Variants in SMARCC1 observed in about 807,000 individuals in gnomAD.
SMARCC1 encodes the protein SWI/SNF related BAF chromatin remodeling complex subunit C1, also known as SWI/SNF complex subunit SMARCC1.
In SMARCC1, 43 loss-of-function variants were observed where a neutral mutation model predicts 147.4. The observed-to-expected ratio is 0.29, with a 90% CI of 0.23 to 0.38. The LOEUF (loss-of-function observed/expected upper bound fraction) is 0.38. SMARCC1 is among the 10% of genes least tolerant of loss of function. SMARCC1 has a pLI of 1.00. For synonymous variants in SMARCC1, 495 were observed against 484.4 expected (o/e 1.02, Z -0.29); for missense variants, 1,119 against 1,381.1 (o/e 0.81, Z 3.01).
At chr3:47,742,416 G>A (rs1335855727) in intron 3 of SMARCC1, among the ~76,000 whole-genome samples, 12 of 152,058 alleles carry the variant, frequency 7.9e-5, no homozygotes, top group Admixed American at 3.3e-4. Context: ...TGGGAGATCC[G>A]TTTGGATTTC....
intron 25 of SMARCC1, among the ~76,000 whole-genome samples, chr3:47,615,163 T>G (rs749028688): frequency 2.0e-5 from 3 of 152,242 alleles, no homozygotes; most frequent in Non-Finnish European, 4.4e-5. Context: ...AAAGCTTGTA[T>G]GTATACCTAT....
chr3:47,692,571 C>T (rs2033802799), intron 12 of SMARCC1, among the ~76,000 whole-genome samples: 1 of 152,100 alleles, frequency 6.6e-6, no homozygotes. Flanking sequence ...CTAGTTTGTA[C>T]AAAAATATTA....
At chr3:47,607,191 A>G (rs1021336603) in intron 26 of SMARCC1, among the ~76,000 whole-genome samples, 3 of 152,194 alleles carry the variant, frequency 2.0e-5, no homozygotes, top group African/African-American at 7.2e-5. Flanking sequence ...CCTTGTTGTG[A>G]GCAGGGTAAA....
rs775759680 is a variant in SMARCC1 at position 47,671,173 on chromosome 3, CAAAAA to C, written c.1840-461_1840-457del. 2.4e-3 allele frequency among the ~76,000 whole-genome samples: 70 copies of C among 29,240 alleles called. 2 individuals carry two copies. The highest frequency in any genetic ancestry group is 0.031 in the Middle Eastern group (1 of 32). 19.2% of individuals were successfully genotyped at this position (29,240 alleles called of 152,430 possible). On this transcript the variant is annotated intron_variant, in intron 18 of 27. Coordinates refer to ENST00000254480, the MANE Select transcript of SMARCC1 (RefSeq NM_003074.4). ...CCTGGGCAACAGAGCGAGACTATCT[CAAAAA>C]AAAAAAAAAAAAAAAAAAAACACAC...
intron 21 of SMARCC1, among the ~76,000 whole-genome samples, chr3:47,656,865 A>T (rs774919371): frequency 3.9e-5 from 6 of 152,146 alleles, no homozygotes; most frequent in Non-Finnish European, 8.8e-5. Context: ...GGTTGCAGTA[A>T]GCCAAGAGCA....
chr3:47,735,523 A>G (rs1160770891), intron 5 of SMARCC1, among the ~76,000 whole-genome samples: 1 of 152,070 alleles, frequency 6.6e-6, no homozygotes, highest in Non-Finnish European at 1.5e-5. Context: ...TAATCCCAGC[A>G]CTTTGGGAGG....
At chr3:47,681,207 A>C (rs2033640399) in intron 14 of SMARCC1, among the ~76,000 whole-genome samples, 1 of 152,216 alleles carries the variant, frequency 6.6e-6, no homozygotes. Context: ...GAAACAAATG[A>C]CCAGAGTAGA....
chr3:47,628,057 A>G (rs12497825), intron 24 of SMARCC1, among the ~76,000 whole-genome samples: 1 of 148,922 alleles, frequency 6.7e-6, no homozygotes, highest in African/African-American at 2.5e-5. Context: ...ATATATATAT[A>G]TATTTTTTCT....
At chr3:47,598,117 G>A (rs1214135022) in intron 26 of SMARCC1, among the ~76,000 whole-genome samples, 1 of 151,702 alleles carries the variant, frequency 6.6e-6, no homozygotes, top group African/African-American at 2.4e-5. Flanking sequence ...CCCTTTTTTT[G>A]TTCTCTTCCT....
chr3:47,716,415 CAAAAA>C lies in SMARCC1; in HGVS notation c.717-1930_717-1926del, dbSNP rs776727634. Among the ~76,000 whole-genome samples the C allele has an allele frequency of 1.5e-4, 8 of 51,942 alleles. No individual in the cohort carries two copies. The South Asian group carries it at 4.4e-3, about 28-fold the overall frequency. 34.1% of individuals were successfully genotyped at this position (51,942 alleles called of 152,430 possible). A position where few individuals can be genotyped will look rare whatever the true frequency, so the allele number is the denominator to read the frequency against. ...CCTGGGTGAGAGTGAGACTCCATCTCAAAAAAAAAAAAAAAAAAAAAAAACCCAAC... is the reference window on the plus strand; with the variant it reads ...CCTGGGTGAGAGTGAGACTCCATCTCAAAAAAAAAAAAAAAAAAACCCAAC... On this transcript the variant is annotated intron_variant, in intron 7 of 27. Coordinates refer to ENST00000254480, the MANE Select transcript of SMARCC1 (RefSeq NM_003074.4).
intron 21 of SMARCC1, among the ~76,000 whole-genome samples, chr3:47,641,897 G>A (rs2033052480): frequency 6.6e-6 from 1 of 152,140 alleles, no homozygotes; most frequent in Admixed American, 6.5e-5. Context: ...TCAGCCTCTT[G>A]AGTAGCTGGG....
At chr3:47,653,645 A>C (rs1025007127) in intron 21 of SMARCC1, among the ~76,000 whole-genome samples, 2 of 152,208 alleles carry the variant, frequency 1.3e-5, no homozygotes, top group African/African-American at 4.8e-5. Context: ...GCTGTTTTTC[A>C]ATTTATTCCA....
At chr3:47,631,541 T>C (rs1260900860) in intron 24 of SMARCC1, among the ~76,000 whole-genome samples, 2 of 152,210 alleles carry the variant, frequency 1.3e-5, no homozygotes, top group Non-Finnish European at 2.9e-5. Flanking sequence ...ATGGTACTTC[T>C]GCTTACACCC....
chr3:47,759,478 G>A (rs1027216387), intron 2 of SMARCC1, among the ~76,000 whole-genome samples: 26 of 149,384 alleles, frequency 1.7e-4, no homozygotes, highest in South Asian at 2.1e-4. Context: ...AAAATTAGCC[G>A]AGCATGGTGG....
intron 7 of SMARCC1, among the ~76,000 whole-genome samples, chr3:47,716,971 A>T (rs747620508): frequency 6.6e-6 from 1 of 152,204 alleles, no homozygotes; most frequent in Non-Finnish European, 1.5e-5. Flanking sequence ...AGGGGAAGTT[A>T]TTCACTTAAA....
At chr3:47,769,765 A>T (rs2034885393) in intron 2 of SMARCC1, among the ~76,000 whole-genome samples, 1 of 152,234 alleles carries the variant, frequency 6.6e-6, no homozygotes, top group South Asian at 2.1e-4. Flanking sequence ...GCACCTAATC[A>T]AATTCTTAAC....
intron 3 of SMARCC1, among the ~76,000 whole-genome samples, chr3:47,744,611 G>A (rs572819546): frequency 2.0e-5 from 3 of 152,202 alleles, no homozygotes; most frequent in Non-Finnish European, 2.9e-5. Context: ...CTGGAAAGAT[G>A]CTAAGGTTAT....
chr3:47,743,742 G>C lies in SMARCC1; in HGVS notation c.401+2166C>G, dbSNP rs1202420880. On this transcript the variant is annotated intron_variant, in intron 3 of 27. Coordinates refer to ENST00000254480, the MANE Select transcript of SMARCC1 (RefSeq NM_003074.4). ...GCAGGAGAACTGCTTGAACCTGGGA[G>C]GTAGAGGTTGCAGTGAGCCGAGATT... 4.6e-5 allele frequency among the ~76,000 whole-genome samples: 7 copies of C among 151,380 alleles called. No homozygotes were observed. In the South Asian group the frequency reaches 8.4e-4, roughly 18 times the overall value.
chr3:47,747,319 C>A (rs1324886641), intron 2 of SMARCC1, among the ~76,000 whole-genome samples: 4 of 151,572 alleles, frequency 2.6e-5, no homozygotes, highest in Non-Finnish European at 5.9e-5. Flanking sequence ...GTGCCTGTAG[C>A]CCCAGCTACT....
Sources: gnomAD v4.1 joint callset for allele counts (sites outside exome capture counted in the v4.1 genomes callset) on GRCh38, gnomAD v4.1.1 for gene constraint, MANE v1.5 for transcripts, NCBI Gene and HGNC (gene_info 2026-07-23, HGNC 2026-07-21) for gene names.